Variants in PRR33 observed in about 807,000 individuals in gnomAD.
PRR33 encodes proline-rich protein 33.
A neutral mutation model predicts 0.5 loss-of-function variants in PRR33; 1 was observed. The ratio of observed to expected loss-of-function variants is 2.18; its 90% CI spans 0.77 to 10.34. PRR33 has a LOEUF of 10.34. PRR33 is among the 30% of genes most tolerant of loss of function. PRR33 has a pLI of 0.13. For synonymous variants in PRR33, 226 were observed against 110.0 expected (o/e 2.06, Z -6.60); for missense variants, 552 against 251.8 (o/e 2.19, Z -8.07).
exon 1 of PRR33, chr11:1,889,023 C>A: frequency 1.8e-6 from 1 of 568,672 alleles, no homozygotes; most frequent in South Asian, 2.1e-5. Context: ...GGCTGCCCTG[C>A]ACCCCATGCC....
At chr11:1,894,100 C>T (rs149254713), upstream of PRR33, among the ~76,000 whole-genome samples, 396 of 4,918 alleles carry the variant, frequency 0.081, 4 homozygotes, top group Non-Finnish European at 0.092. Flanking sequence ...CTCTGTTTCC[C>T]GGGCTGGGAG....
At chr11:1,908,451 A>G in the PRR33 span, among the ~76,000 whole-genome samples, 1 of 151,970 alleles carries the variant, frequency 6.6e-6, no homozygotes, top group South Asian at 2.1e-4. Context: ...TTTTTTCAAA[A>G]GTTTTTTTCT....
At chr11:1,913,092 T>TG in the PRR33 span, among the ~76,000 whole-genome samples, 4 of 152,214 alleles carry the variant, frequency 2.6e-5, no homozygotes, top group Admixed American at 1.3e-4. Context: ...TTTTTTGTTC[T>TG]GGGGTAATCC....
At chr11:1,913,389 G>A in the PRR33 span, among the ~76,000 whole-genome samples, 6 of 150,146 alleles carry the variant, frequency 4.0e-5, no homozygotes, top group Admixed American at 3.3e-4. Flanking sequence ...CTCGTGATCC[G>A]CCCGCCTCAG....
At chr11:1,889,704 A>T (rs1222922487) in exon 1 of PRR33, 4 of 645,502 alleles carry the variant, frequency 6.2e-6, no homozygotes, top group African/African-American at 1.8e-5. Flanking sequence ...GGGCTCCTCC[A>T]GGTGCTCTCT....
chr11:1,892,654 G>A (rs140740463), upstream of PRR33, among the ~76,000 whole-genome samples: 1 of 152,318 alleles, frequency 6.6e-6, no homozygotes, highest in Non-Finnish European at 1.5e-5. Context: ...ATGGGTGGGT[G>A]GATGGATGGA....
exon 1 of PRR33, chr11:1,890,791 C>G (rs918684257): frequency 1.7e-5 from 10 of 593,286 alleles, no homozygotes; most frequent in Middle Eastern, 4.4e-4. Context: ...CCACCATCAC[C>G]CTAGTGTAGA....
At chr11:1,901,579 A>G in the PRR33 span, among the ~76,000 whole-genome samples, 1 of 152,152 alleles carries the variant, frequency 6.6e-6, no homozygotes, top group African/African-American at 2.4e-5. Flanking sequence ...ATCCTAAGCA[A>G]TCGTTAGCTA....
the PRR33 span, among the ~76,000 whole-genome samples, chr11:1,901,857 T>C: frequency 6.6e-6 from 1 of 152,230 alleles, no homozygotes; most frequent in Non-Finnish European, 1.5e-5. Context: ...GTAAATTTCT[T>C]TCACAAAATG....
At chr11:1,889,410 G>A in exon 1 of PRR33, 3 of 682,520 alleles carry the variant, frequency 4.4e-6, no homozygotes, top group African/African-American at 1.8e-5. Context: ...GGAGGCGGGG[G>A]CCCGGGGTGC....
At chr11:1,907,587 T>C in the PRR33 span, among the ~76,000 whole-genome samples, 3 of 152,222 alleles carry the variant, frequency 2.0e-5, no homozygotes, top group African/African-American at 2.4e-5. Flanking sequence ...TATTTTTTTA[T>C]ATTTTTAGTA....
At chr11:1,890,471 C>T (rs1444385691) in exon 1 of PRR33, 5 of 717,216 alleles carry the variant, frequency 7.0e-6, no homozygotes, top group Non-Finnish European at 1.3e-5. Flanking sequence ...GGAGCTTCTG[C>T]AAACGCAAGT....
the PRR33 span, among the ~76,000 whole-genome samples, chr11:1,900,576 T>C: frequency 2.0e-5 from 3 of 152,212 alleles, no homozygotes; most frequent in African/African-American, 7.2e-5. Context: ...TTTGTGAGTT[T>C]TCAGAAACGT....
chr11:1,908,836 G>T, the PRR33 span, among the ~76,000 whole-genome samples: 5 of 152,192 alleles, frequency 3.3e-5, no homozygotes, highest in Non-Finnish European at 7.3e-5. Context: ...GTAAAAGCAG[G>T]CATCCTTCTT....
chr11:1,891,065 C>T (rs771518230), exon 1 of PRR33: 100 of 159,624 alleles, frequency 6.3e-4, no homozygotes, highest in Non-Finnish European at 1.2e-3. Flanking sequence ...GTCGCCGGCT[C>T]AACCACAGGC....
chr11:1,896,285 C>G (rs1056950746), upstream of PRR33, among the ~76,000 whole-genome samples: 3 of 152,158 alleles, frequency 2.0e-5, no homozygotes, highest in African/African-American at 7.2e-5. Context: ...ATCCACGAAC[C>G]TTGGATGTCC....
chr11:1,891,689 C>A (rs1348085461), exon 1 of PRR33: 1 of 152,830 alleles, frequency 6.5e-6, no homozygotes. Context: ...GGGGAGCAGG[C>A]TCTGTGGGCT....
At chr11:1,892,796 A>T (rs1849054673), upstream of PRR33, among the ~76,000 whole-genome samples, 2 of 136,994 alleles carry the variant, frequency 1.5e-5, no homozygotes, top group Admixed American at 1.4e-4. Context: ...GGATGGATGG[A>T]TGGGTAGGTG....
chr11:1,911,720 C>T, the PRR33 span, among the ~76,000 whole-genome samples: 3 of 151,918 alleles, frequency 2.0e-5, no homozygotes, highest in Non-Finnish European at 4.4e-5. Context: ...TGCGCCCGGA[C>T]CTCCCTTCTG....
Sources: gnomAD v4.1 joint callset for allele counts (sites outside exome capture counted in the v4.1 genomes callset) on GRCh38, gnomAD v4.1.1 for gene constraint, MANE v1.5 for transcripts, NCBI Gene and HGNC (gene_info 2026-07-23, HGNC 2026-07-21) for gene names.